Variants in ANO5 observed in about 807,000 individuals in gnomAD.
The protein encoded by ANO5 is anoctamin 5.
Under a neutral mutation model 121.0 loss-of-function variants are expected in ANO5, and 109 were observed. The ratio of observed to expected loss-of-function variants is 0.90; its 90% CI spans 0.77 to 1.06. The LOEUF is 1.06. Ranked by LOEUF, ANO5 falls within the 50% of genes least tolerant of loss-of-function variation. ANO5 has a pLI of 0.00. For synonymous variants in ANO5, 406 were observed against 359.9 expected, an observed-to-expected ratio of 1.13 and a Z score of -1.45; for missense variants, 1,064 against 1,078.5, an observed-to-expected ratio of 0.99 and a Z score of 0.19.
rs898425897 is a variant in ANO5 at position 22,262,826 on chromosome 11, T to C, written c.1801-120T>C. ...TTGGAACTATTGGGCTAAATATATC[T>C]TAACCCTTCCAACCAAAACCTTTAG... On this transcript the variant is annotated intron_variant, in intron 16 of 21. Coordinates refer to ENST00000324559, the MANE Select transcript of ANO5 (RefSeq NM_213599.3). 3.7e-6 allele frequency: 3 copies of C among 803,254 alleles called. No homozygotes were observed. In the African/African-American group the frequency reaches 5.1e-5, roughly 14 times the overall value. The allele number at this position is 803,254 out of a possible 1,614,324, so 49.8% of individuals were successfully genotyped here. A position where few individuals can be genotyped will look rare whatever the true frequency, so the allele number is the denominator to read the frequency against.
Position 22,279,745 on chromosome 11 carries a change from C to A in ANO5, c.2722C>A (p.Leu908Met), listed in dbSNP as rs751394880. Residue 908 changes from leucine to methionine, a missense_variant, in exon 22 of 22, where the codon CTG becomes ATG. Physicochemically the swap from Leu to Met is conservative, Grantham distance 15. Coordinates refer to ENST00000324559, the MANE Select transcript of ANO5 (RefSeq NM_213599.3). Reference sequence around the variant, plus strand: ...CATGATTGAGGAAAACAAAGCACAGCTGGCTAAATCAACACTCTAATCAGT... The same window carrying A: ...CATGATTGAGGAAAACAAAGCACAGATGGCTAAATCAACACTCTAATCAGT... Reference protein sequence around the residue: ...HVMIEENKAQLAKSTL With the variant: ...HVMIEENKAQMAKSTL 1 of 1,612,220 alleles carries A rather than the reference C, an allele frequency of 6.2e-7. No individual in the cohort carries two copies. Among genetic ancestry groups the A allele is most frequent in the Non-Finnish European group, 8.5e-7 (1 of 1,178,866 alleles).
At chr11:22,199,651 G>T (rs1352945584) in intron 1 of ANO5, among the ~76,000 whole-genome samples, 1 of 152,050 alleles carries the variant, frequency 6.6e-6, no homozygotes, top group Non-Finnish European at 1.5e-5. Context: ...TTAGTGATAA[G>T]AGTGCATTGT....
At chr11:22,272,333 C>CACACACACAG (rs1358448037) in intron 18 of ANO5, among the ~76,000 whole-genome samples, 2 of 150,896 alleles carry the variant, frequency 1.3e-5, no homozygotes, top group African/African-American at 2.5e-5. Context: ...CACACACACA[C>CACACACACAG]ACACACACAC....
At chr11:22,222,432 C>G (rs1218823112) in intron 5 of ANO5, among the ~76,000 whole-genome samples, 1 of 151,978 alleles carries the variant, frequency 6.6e-6, no homozygotes, top group African/African-American at 2.4e-5. Context: ...CATTCACTCA[C>G]CTAGAACTTG....
At position 22,243,519 on chromosome 11, in the gene ANO5, C is replaced by T. The variant is rs542128121; in HGVS notation, c.878+3835C>T. Among the ~76,000 whole-genome samples the T allele has an allele frequency of 2.0e-5, 3 of 151,862 alleles. No homozygotes were observed. In the South Asian group the frequency reaches 6.2e-4, roughly 32 times the overall value. ...AAGTTCTTCTTTGTATTTCTATCTG[C>T]TAGTATTTGGGTGTGAATTCATCTG... On this transcript the variant is annotated intron_variant, in intron 9 of 21. Coordinates refer to ENST00000324559, the MANE Select transcript of ANO5 (RefSeq NM_213599.3).
rs1852636503 is a variant in ANO5 at position 22,221,158 on chromosome 11, AT to A, written c.246del (p.Phe82LeufsTer9). 1 of 1,612,050 alleles carries A rather than the reference AT, an allele frequency of 6.2e-7. No homozygotes were observed. Among genetic ancestry groups the A allele is most frequent in the African/African-American group, 1.3e-5 (1 of 74,956 alleles). On this transcript the variant is annotated frameshift_variant, in exon 5 of 22. Coordinates refer to ENST00000324559, the MANE Select transcript of ANO5 (RefSeq NM_213599.3). LOFTEE classifies it high-confidence loss of function. ...IFFRDGIRQI[D>X]FVLSYVDDVK... Reference sequence around the variant, plus strand: ...TTCCGAGATGGGATTAGGCAAATTGATTTTGTGCTTTCCTACGTTGATGATG... The same window carrying A: ...TTCCGAGATGGGATTAGGCAAATTGATTTGTGCTTTCCTACGTTGATGATG...
rs1855095209 is a variant in ANO5, at chr11:22,281,921, A to G, written c.*2156A>G. ...TCCTTTTAAAATGTTATGGACTGAT[A>G]TTTTTTATTCACCTTTAAATTTCTT... On this transcript the variant is annotated 3_prime_UTR_variant, in exon 22 of 22. Coordinates refer to ENST00000324559, the MANE Select transcript of ANO5 (RefSeq NM_213599.3). The G allele has an allele frequency of 6.6e-6, 1 of 152,092 alleles. No individual in the cohort carries two copies. 9.4% of individuals were successfully genotyped at this position (152,092 alleles called of 1,614,324 possible).
At chr11:22,197,524 C>T (rs1214542953) in intron 1 of ANO5, among the ~76,000 whole-genome samples, 1 of 152,064 alleles carries the variant, frequency 6.6e-6, no homozygotes, top group African/African-American at 2.4e-5. Flanking sequence ...AAAACTTGAA[C>T]GTTAGGTTGT....
At chr11:22,208,918 A>C (rs1471715072) in intron 2 of ANO5, among the ~76,000 whole-genome samples, 1 of 151,914 alleles carries the variant, frequency 6.6e-6, no homozygotes, top group African/African-American at 2.4e-5. Flanking sequence ...ATTGCAGTCA[A>C]TTTTTTTCAC....
chr11:22,269,612 T>C (rs574626325), intron 17 of ANO5, among the ~76,000 whole-genome samples: 1 of 151,692 alleles, frequency 6.6e-6, no homozygotes, highest in African/African-American at 2.4e-5. Flanking sequence ...TGCCCTAGGA[T>C]TTTAGTAGAT....
intron 7 of ANO5, 48 bp downstream of exon 7, chr11:22,227,634 T>C (rs1372598398): frequency 6.3e-7 from 1 of 1,589,572 alleles, no homozygotes; most frequent in African/African-American, 1.3e-5. Flanking sequence ...ACGAGATGTA[T>C]GCTTGTGTGT....
intron 4 of ANO5, among the ~76,000 whole-genome samples, chr11:22,218,848 C>T (rs887681270): frequency 2.0e-5 from 3 of 152,062 alleles, no homozygotes; most frequent in African/African-American, 7.2e-5. Context: ...CAGGCATAAA[C>T]CACCACACCC....
chr11:22,267,927 A>G (rs1305949687), intron 17 of ANO5, among the ~76,000 whole-genome samples: 1 of 152,202 alleles, frequency 6.6e-6, no homozygotes, highest in Non-Finnish European at 1.5e-5. Context: ...ATGTTCCTGC[A>G]AAGAACATGA....
intron 7 of ANO5, among the ~76,000 whole-genome samples, chr11:22,232,777 T>G (rs1223109247): frequency 6.6e-6 from 1 of 151,958 alleles, no homozygotes; most frequent in Non-Finnish European, 1.5e-5. Flanking sequence ...CCATGCCACC[T>G]TTTCTTATAA....
intron 13 of ANO5, among the ~76,000 whole-genome samples, 171 bp downstream of exon 13, chr11:22,255,693 A>G (rs925053682): frequency 2.0e-5 from 3 of 152,158 alleles, no homozygotes; most frequent in Non-Finnish European, 2.9e-5. Context: ...ATGTATATAT[A>G]GAATGTATAT....
At chr11:22,269,556 AAAAAG>A (rs1163464100) in intron 17 of ANO5, among the ~76,000 whole-genome samples, 1 of 144,722 alleles carries the variant, frequency 6.9e-6, no homozygotes, top group South Asian at 2.2e-4. Flanking sequence ...AAGGAAAGAA[AAAAAG>A]AAAAGGAAAG....
chr11:22,219,653 T>C (rs904483505), intron 4 of ANO5, among the ~76,000 whole-genome samples: 4 of 152,190 alleles, frequency 2.6e-5, no homozygotes, highest in African/African-American at 7.2e-5. Context: ...TTTCATAAGA[T>C]GCTAACGCTG....
intron 17 of ANO5, among the ~76,000 whole-genome samples, chr11:22,266,163 T>A (rs1854358379): frequency 6.6e-6 from 1 of 152,120 alleles, no homozygotes; most frequent in South Asian, 2.1e-4. Flanking sequence ...TATTATAAAA[T>A]TTAAGATAAT....
chr11:22,276,059 TA>T lies in ANO5; in HGVS notation c.2415-34del, dbSNP rs763710971. The T allele has an allele frequency of 7.8e-4, 986 of 1,265,894 alleles. 1 individual carries two copies. Among genetic ancestry groups the T allele is most frequent in the Non-Finnish European group, 9.7e-4 (876 of 902,710 alleles). The allele number at this position is 1,265,894 out of a possible 1,614,324, so 78.4% of individuals were successfully genotyped here. ...CTCTAGTTGAAGCTATAACTATTAT[TA>T]TTTTTTTTTTTTGCATTTACTTCCA... On this transcript the variant is annotated intron_variant, in intron 20 of 21. Transcript: ENST00000324559.
Sources: allele counts gnomAD v4.1 joint callset (sites outside exome capture counted in the v4.1 genomes callset), GRCh38; gene constraint gnomAD v4.1.1; transcripts MANE v1.5; gene names NCBI Gene and HGNC (gene_info 2026-07-23, HGNC 2026-07-21).